The following ST3GAL3 variants were observed in gnomAD, a reference collection of about 807,000 sequenced individuals.
The protein encoded by ST3GAL3 is CMP-N-acetylneuraminate-beta-1,4-galactoside alpha-2,3-sialyltransferase.
Under a neutral mutation model 50.1 loss-of-function variants are expected in ST3GAL3, and 21 were observed. That is an observed-to-expected ratio of 0.42 (90% CI 0.30 to 0.60). The LOEUF is 0.60. Among genes scored for constraint, ST3GAL3 ranks in the 20% least tolerant of loss-of-function variants. The pLI is 0.19. For missense variants in ST3GAL3, 353 were observed against 489.4 expected (o/e 0.72, Z 2.63); for synonymous variants, 183 against 190.0 (o/e 0.96, Z 0.30).
chr1:43,819,943 T>C (rs965111306), intron 4 of ST3GAL3, among the ~76,000 whole-genome samples: 1 of 152,168 alleles, frequency 6.6e-6, no homozygotes, highest in African/African-American at 2.4e-5. Flanking sequence ...TCATTTTTCA[T>C]AGAAGTAGAG....
chr1:43,709,932 G>A (rs1663762752), intron 1 of ST3GAL3, among the ~76,000 whole-genome samples: 1 of 151,924 alleles, frequency 6.6e-6, no homozygotes, highest in South Asian at 2.1e-4. Flanking sequence ...GCCCATTGTC[G>A]CTTTTCTGAT....
intron 2 of ST3GAL3, among the ~76,000 whole-genome samples, chr1:43,783,819 G>C (rs1700116845): frequency 6.6e-6 from 1 of 152,106 alleles, no homozygotes; most frequent in Non-Finnish European, 1.5e-5. Flanking sequence ...TGTGAACGCT[G>C]TTGCCCTAGG....
chr1:43,836,892 A>G (rs2064427524), intron 4 of ST3GAL3, among the ~76,000 whole-genome samples: 1 of 152,230 alleles, frequency 6.6e-6, no homozygotes, highest in African/African-American at 2.4e-5. Context: ...GTGAGGTGGC[A>G]TGATTATGGT....
At position 43,900,992 on chromosome 1, in the gene ST3GAL3, C is replaced by A. The variant is rs1290702400; in HGVS notation, c.744+1265C>A. Among the ~76,000 whole-genome samples, 3 of 152,394 alleles carry A rather than the reference C, an allele frequency of 2.0e-5. No individual in the cohort carries two copies. The East Asian group carries it at 5.8e-4, about 29-fold the overall frequency. On this transcript the variant is annotated intron_variant, in intron 9 of 11. Coordinates refer to ENST00000347631, the MANE Select transcript of ST3GAL3 (RefSeq NM_006279.5). Reference sequence around the variant, plus strand: ...CCAGGCCCAACTTCAAGCAGGCCCACTGCCCACACAGACCAGGTAAATAAC... The same window carrying A: ...CCAGGCCCAACTTCAAGCAGGCCCAATGCCCACACAGACCAGGTAAATAAC...
At chr1:43,783,453 G>A (rs1017883560) in intron 2 of ST3GAL3, among the ~76,000 whole-genome samples, 5 of 152,080 alleles carry the variant, frequency 3.3e-5, no homozygotes, top group Non-Finnish European at 7.4e-5. Flanking sequence ...TCTCTGATTG[G>A]GCTGTCTTTC....
chr1:43,817,593 T>TTCA (rs2061483406), intron 4 of ST3GAL3, among the ~76,000 whole-genome samples: 1 of 58,664 alleles, frequency 1.7e-5, no homozygotes, highest in Non-Finnish European at 3.6e-5. Context: ...CTCCTTCTCC[T>TTCA]CCTCCCTTCT....
chr1:43,899,139 T>C lies in ST3GAL3; in HGVS notation c.462-29T>C. 6.2e-7 allele frequency: 1 copy of C among 1,613,860 alleles called. No homozygotes were observed. The highest frequency in any genetic ancestry group is 8.5e-7 in the Non-Finnish European group (1 of 1,179,972). Reference sequence around the variant, plus strand: ...AAGAGACCTGGTGGGCAGCTCTCTGTACAGAGGTCTCCGCCTCTCTCCCCT... The same window carrying C: ...AAGAGACCTGGTGGGCAGCTCTCTGCACAGAGGTCTCCGCCTCTCTCCCCT... On this transcript the variant is annotated intron_variant, in intron 7 of 11. Coordinates refer to ENST00000347631, the MANE Select transcript of ST3GAL3 (RefSeq NM_006279.5). This position sits in a 1 kb window ranked among gnomAD's most constrained non-coding sequence, Gnocchi z 5.4.
intron 5 of ST3GAL3, chr1:43,858,224 G>T: frequency 7.8e-7 from 1 of 1,289,384 alleles, no homozygotes; most frequent in Non-Finnish European, 1.0e-6. Context: ...GGGACACAGA[G>T]AAGGCCCTTC....
chr1:43,893,275 C>T (rs897844230), intron 5 of ST3GAL3, among the ~76,000 whole-genome samples: 2 of 152,202 alleles, frequency 1.3e-5, no homozygotes, highest in South Asian at 4.1e-4. Flanking sequence ...GTGGCTGATT[C>T]AGGGTGAGTT....
At position 43,799,895 on chromosome 1, in the gene ST3GAL3, G is replaced by A. The variant is rs564494338; in HGVS notation, c.166+7746G>A. On this transcript the variant is annotated intron_variant, in intron 3 of 11. Coordinates refer to ENST00000347631, the MANE Select transcript of ST3GAL3 (RefSeq NM_006279.5). ...GGATGGCCCGGACACAGTTGATGCT[G>A]TGAATAGGATTAAATTCACTGCAGT... Among the ~76,000 whole-genome samples the A allele has an allele frequency of 3.3e-5, 5 of 152,296 alleles. No homozygotes were observed. The East Asian group carries it at 9.7e-4, about 29-fold the overall frequency.
At chr1:43,856,950 T>A (rs994210434) in intron 5 of ST3GAL3, among the ~76,000 whole-genome samples, 6 of 152,192 alleles carry the variant, frequency 3.9e-5, no homozygotes, top group African/African-American at 1.4e-4. Context: ...GGGATTTTTT[T>A]TTTTTAGATC....
chr1:43,786,006 C>G (rs939616369), intron 2 of ST3GAL3, among the ~76,000 whole-genome samples: 3 of 152,144 alleles, frequency 2.0e-5, no homozygotes, highest in African/African-American at 4.8e-5. Flanking sequence ...TGAAGTTTTC[C>G]CTTTTAAGCA....
At chr1:43,730,579 T>A (rs1444476130) in intron 1 of ST3GAL3, among the ~76,000 whole-genome samples, 3 of 149,100 alleles carry the variant, frequency 2.0e-5, no homozygotes, top group Non-Finnish European at 4.5e-5. Context: ...TTCTTTTTTT[T>A]TTTTTTTTTT....
At chr1:43,830,269 C>G (rs1320817927) in intron 4 of ST3GAL3, among the ~76,000 whole-genome samples, 1 of 151,986 alleles carries the variant, frequency 6.6e-6, no homozygotes, top group Non-Finnish European at 1.5e-5. Flanking sequence ...CTCCTGGGCT[C>G]TAGTGAATCT....
chr1:43,722,218 T>C (rs1670829795), intron 1 of ST3GAL3, among the ~76,000 whole-genome samples: 1 of 152,046 alleles, frequency 6.6e-6, no homozygotes, highest in Non-Finnish European at 1.5e-5. Flanking sequence ...GTTGGCTAGA[T>C]GAAGTGGTGG....
intron 2 of ST3GAL3, among the ~76,000 whole-genome samples, chr1:43,773,264 A>G (rs903143313): frequency 2.0e-5 from 3 of 151,968 alleles, no homozygotes; most frequent in African/African-American, 7.3e-5. Context: ...TTGACATCCT[A>G]CCTGTGATTT....
chr1:43,729,970 C>T (rs771203529), intron 1 of ST3GAL3, among the ~76,000 whole-genome samples: 6 of 152,196 alleles, frequency 3.9e-5, no homozygotes, highest in Non-Finnish European at 7.3e-5. Flanking sequence ...ACCCCACAGC[C>T]TCACTTCTAG....
chr1:43,881,624 G>C (rs1008724047), intron 5 of ST3GAL3, among the ~76,000 whole-genome samples: 10 of 152,202 alleles, frequency 6.6e-5, no homozygotes, highest in Non-Finnish European at 1.2e-4. Flanking sequence ...CCCAGGCACT[G>C]CCCCCTTGAG....
At chr1:43,814,108 C>T (rs568431033) in intron 3 of ST3GAL3, among the ~76,000 whole-genome samples, 9 of 152,224 alleles carry the variant, frequency 5.9e-5, no homozygotes, top group Admixed American at 2.6e-4. Context: ...CAGTGCTTTG[C>T]GCTTAGTTTT....
Sources: gnomAD v4.1 joint callset for allele counts (sites outside exome capture counted in the v4.1 genomes callset) on GRCh38, gnomAD v4.1.1 for gene constraint, Gnocchi (gnomAD v3.1) non-coding constraint, MANE v1.5 for transcripts, NCBI Gene and HGNC (gene_info 2026-07-23, HGNC 2026-07-21) for gene names.